Variants in NAP1L4 observed in about 807,000 individuals in gnomAD.
The protein encoded by NAP1L4 is nucleosome assembly protein 1-like 4.
A neutral mutation model predicts 58.2 loss-of-function variants in NAP1L4; 15 were observed. The observed-to-expected ratio is 0.26, with a 90% CI of 0.17 to 0.40. The LOEUF is 0.40. Among genes scored for constraint, NAP1L4 ranks in the 10% least tolerant of loss-of-function variants. The pLI is 1.00. For missense variants in NAP1L4, 384 were observed against 451.1 expected (o/e 0.85, Z 1.35); for synonymous variants, 171 against 155.6 (o/e 1.10, Z -0.74).
chr11:2,975,958 T>A lies in NAP1L4; in HGVS notation c.173+66A>T. ...AATCCTGTTCTGGGGAACTGAAAAG[T>A]GGTTTTTCCTTTATTTTCCTTTTGT... On this transcript the variant is annotated intron_variant, in intron 4 of 15. Coordinates refer to ENST00000380542, the MANE Select transcript of NAP1L4 (RefSeq NM_005969.4). 8.7e-6 allele frequency: 12 copies of A among 1,378,938 alleles called. No individual in the cohort carries two copies. In the South Asian group the frequency reaches 1.3e-4, roughly 15 times the overall value. 85.4% of individuals were successfully genotyped at this position (1,378,938 alleles called of 1,614,324 possible).
chr11:2,980,912 TGAA>T (rs950311753), intron 1 of NAP1L4, among the ~76,000 whole-genome samples: 4 of 144,190 alleles, frequency 2.8e-5, no homozygotes, highest in African/African-American at 8.2e-5. Flanking sequence ...TATGTTTTAA[TGAA>T]GAAGATGAAA....
At chr11:2,964,201 T>C (rs1212110964) in intron 8 of NAP1L4, among the ~76,000 whole-genome samples, 1 of 152,140 alleles carries the variant, frequency 6.6e-6, no homozygotes, top group African/African-American at 2.4e-5. Context: ...ATAGCTCCCA[T>C]CTTTTTAAAC....
rs548320104 is a variant in NAP1L4 at position 2,946,320 on chromosome 11, G to C, written c.*33-674C>G. ...CTATCCTTCCAGTAACGGCATCCGG[G>C]ACACAAAATTCCCCTCCCAGAGGAA... On this transcript the variant is annotated intron_variant, in intron 15 of 15. Coordinates refer to ENST00000380542, the MANE Select transcript of NAP1L4 (RefSeq NM_005969.4). The surrounding 1 kb of genome is among the most constrained non-coding windows in gnomAD (Gnocchi z 4.8). 3.3e-5 allele frequency among the ~76,000 whole-genome samples: 5 copies of C among 152,190 alleles called. No homozygotes were observed. The highest frequency in any genetic ancestry group is 1.2e-4 in the African/African-American group (5 of 41,524).
chr11:2,971,953 G>T lies in NAP1L4; in HGVS notation c.315+149C>A. 1.3e-6 allele frequency: 1 copy of T among 751,920 alleles called. No individual in the cohort carries two copies. The highest frequency in any genetic ancestry group is 2.0e-6 in the Non-Finnish European group (1 of 502,738). The allele number at this position is 751,920 out of a possible 1,614,324, so 46.6% of individuals were successfully genotyped here. On this transcript the variant is annotated intron_variant, in intron 5 of 15. Coordinates refer to ENST00000380542, the MANE Select transcript of NAP1L4 (RefSeq NM_005969.4). This position sits in a 1 kb window ranked among gnomAD's most constrained non-coding sequence, Gnocchi z 4.2. ...CTGCAGGCTAATGTTAGCGTTCTGA[G>T]CTTGTTTAAGGTAGTCTAGACTAAG... is the stretch of plus-strand genomic sequence containing the variant.
Position 2,959,612 on chromosome 11 carries a change from A to C in NAP1L4, c.746+158T>G, listed in dbSNP as rs973387019. Among the ~76,000 whole-genome samples, 10 of 152,240 alleles carry C rather than the reference A, an allele frequency of 6.6e-5. No homozygotes were observed. Among genetic ancestry groups the C allele is most frequent in the Non-Finnish European group, 1.2e-4 (8 of 68,040 alleles). On this transcript the variant is annotated intron_variant, in intron 9 of 15. Coordinates refer to ENST00000380542, the MANE Select transcript of NAP1L4 (RefSeq NM_005969.4). This position sits in a 1 kb window ranked among gnomAD's most constrained non-coding sequence, Gnocchi z 4.9. ...CAAGTTCTGCACTATGAGCATTCCC[A>C]AACTGAAAGACTATTGAAATATACA...
rs149621185 is a variant in NAP1L4, at chr11:2,959,026, C to G, written c.747-482G>C. The G allele has an allele frequency of 8.7e-4, 149 of 170,508 alleles. 1 individual carries two copies. Among genetic ancestry groups the G allele is most frequent in the African/African-American group, 3.2e-3 (132 of 41,762 alleles). The allele number at this position is 170,508 out of a possible 1,614,324, so 10.6% of individuals were successfully genotyped here. ...GCTGGCGAGGGCTGAGCACAGCACG[C>G]TCTCTCTAACACACAATCACCACAG... On this transcript the variant is annotated intron_variant, in intron 9 of 15. Coordinates refer to ENST00000380542, the MANE Select transcript of NAP1L4 (RefSeq NM_005969.4). The surrounding 1 kb of genome is among the most constrained non-coding windows in gnomAD (Gnocchi z 4.9).
intron 4 of NAP1L4, among the ~76,000 whole-genome samples, chr11:2,973,765 G>GTCAT (rs1847784887): frequency 6.6e-6 from 1 of 152,130 alleles, no homozygotes; most frequent in Non-Finnish European, 1.5e-5. Context: ...TTCTGCACTG[G>GTCAT]TCATTCATTC....
intron 1 of NAP1L4, chr11:2,990,210 C>T (rs1027778665): frequency 6.6e-6 from 1 of 152,002 alleles, no homozygotes; most frequent in African/African-American, 2.4e-5. Context: ...AAAAAAAAGA[C>T]TGCAATTGGA....
In NAP1L4 at chr11:2,944,664, T is replaced by C. The variant is rs1845845091; in HGVS notation, c.*1015A>G. On this transcript the variant is annotated 3_prime_UTR_variant, in exon 16 of 16. Coordinates refer to ENST00000380542, the MANE Select transcript of NAP1L4 (RefSeq NM_005969.4). ...ACCCAGGACCTTCAGACAGGATGAA[T>C]GGTGGGGCCCCGCAATGGGGCTACT... 1 of 152,154 alleles carries C rather than the reference T, an allele frequency of 6.6e-6. No homozygotes were observed. The highest frequency in any genetic ancestry group is 1.5e-5 in the Non-Finnish European group (1 of 68,026). The allele number at this position is 152,154 out of a possible 1,614,324, so 9.4% of individuals were successfully genotyped here.
intron 4 of NAP1L4, among the ~76,000 whole-genome samples, chr11:2,972,507 C>A (rs1341178931): frequency 6.6e-6 from 1 of 152,096 alleles, no homozygotes; most frequent in African/African-American, 2.4e-5. Context: ...CAAAAGAATG[C>A]AAACATTTAA....
chr11:2,965,547 G>T (rs1176012234), intron 7 of NAP1L4, among the ~76,000 whole-genome samples: 1 of 152,146 alleles, frequency 6.6e-6, no homozygotes, highest in Non-Finnish European at 1.5e-5. Context: ...AATACACACA[G>T]TCACTTCTTT....
At chr11:2,958,156 A>G (rs928859310) in intron 10 of NAP1L4, 13 of 673,018 alleles carry the variant, frequency 1.9e-5, no homozygotes, top group Non-Finnish European at 3.3e-5. Context: ...AGCCAAGCAG[A>G]GTAAAGCTCT....
In NAP1L4 at chr11:2,971,958, T is replaced by C. The variant is rs1847662306; in HGVS notation, c.315+144A>G. On this transcript the variant is annotated intron_variant, in intron 5 of 15. Coordinates refer to ENST00000380542, the MANE Select transcript of NAP1L4 (RefSeq NM_005969.4). This position sits in a 1 kb window ranked among gnomAD's most constrained non-coding sequence, Gnocchi z 4.2. Reference sequence around the variant, plus strand: ...GGCTAATGTTAGCGTTCTGAGCTTGTTTAAGGTAGTCTAGACTAAGCTATG... The same window carrying C: ...GGCTAATGTTAGCGTTCTGAGCTTGCTTAAGGTAGTCTAGACTAAGCTATG... 2.5e-6 allele frequency: 2 copies of C among 793,290 alleles called. No individual in the cohort carries two copies. The highest frequency in any genetic ancestry group is 3.8e-4 in the Middle Eastern group (1 of 2,598). The allele number at this position is 793,290 out of a possible 1,614,324, so 49.1% of individuals were successfully genotyped here.
At chr11:2,970,852 C>T (rs1033586188) in intron 6 of NAP1L4, among the ~76,000 whole-genome samples, 12 of 52,096 alleles carry the variant, frequency 2.3e-4, no homozygotes, top group Non-Finnish European at 3.8e-4. Flanking sequence ...TATACCACCC[C>T]CCCCCCAAAA....
At chr11:2,958,934 G>GA in intron 9 of NAP1L4, 1 of 222,862 alleles carries the variant, frequency 4.5e-6, no homozygotes, top group Non-Finnish European at 9.0e-6. Flanking sequence ...ACGACAAGCT[G>GA]AAAAAAGGAA....
Position 2,946,637 on chromosome 11 carries a change from T to C in NAP1L4, c.*33-991A>G, listed in dbSNP as rs1215318173. 6.6e-6 allele frequency among the ~76,000 whole-genome samples: 1 copy of C among 152,204 alleles called. No homozygotes were observed. Among genetic ancestry groups the C allele is most frequent in the Non-Finnish European group, 1.5e-5 (1 of 68,040 alleles). ...TCCACAGTATAAGCTGAGGCTACAG[T>C]TCATTCTTTTGGAAATCACATTTAA... On this transcript the variant is annotated intron_variant, in intron 15 of 15. Coordinates refer to ENST00000380542, the MANE Select transcript of NAP1L4 (RefSeq NM_005969.4). The surrounding 1 kb of genome is among the most constrained non-coding windows in gnomAD (Gnocchi z 4.8).
chr11:2,980,877 A>AT (rs1848260604), intron 1 of NAP1L4, among the ~76,000 whole-genome samples: 1 of 152,118 alleles, frequency 6.6e-6, no homozygotes, highest in Admixed American at 6.5e-5. Context: ...AATATTACAC[A>AT]TTGTCTTTTT....
At position 2,975,623 on chromosome 11, in the gene NAP1L4, T is replaced by C. The variant is rs188398626; in HGVS notation, c.173+401A>G. On this transcript the variant is annotated intron_variant, in intron 4 of 15. Transcript: ENST00000380542. ...CAGGCTGGAGGGTAGTGAAAACTCATAGGCATGCGGCACTATGCCCAGTTT... is the reference window on the plus strand; with the variant it reads ...CAGGCTGGAGGGTAGTGAAAACTCACAGGCATGCGGCACTATGCCCAGTTT... 4.3e-4 allele frequency among the ~76,000 whole-genome samples: 66 copies of C among 151,884 alleles called. 1 individual carries two copies. The highest frequency in any genetic ancestry group is 1.4e-3 in the African/African-American group (60 of 41,442).
At chr11:2,990,315 T>C (rs567261654) in intron 1 of NAP1L4, 1 of 152,254 alleles carries the variant, frequency 6.6e-6, no homozygotes, top group Non-Finnish European at 1.5e-5. Context: ...AAAATATCTC[T>C]AAGTAAACTT....
Sources: allele counts gnomAD v4.1 joint callset (sites outside exome capture counted in the v4.1 genomes callset), GRCh38; gene constraint gnomAD v4.1.1; non-coding constraint Gnocchi (gnomAD v3.1); transcripts MANE v1.5; gene names NCBI Gene and HGNC (gene_info 2026-07-23, HGNC 2026-07-21).